The following NELL1 variants were observed in gnomAD, a reference collection of about 807,000 sequenced individuals.
The protein encoded by NELL1 is neural EGFL like 1.
In NELL1, 76 loss-of-function variants were observed where a neutral mutation model predicts 107.4. The ratio of observed to expected loss-of-function variants is 0.71; its 90% CI spans 0.59 to 0.86. The LOEUF (loss-of-function observed/expected upper bound fraction) is 0.86. NELL1 is among the 40% of genes least tolerant of loss of function. The pLI is 0.00. For synonymous variants in NELL1, 353 were observed against 341.2 expected, an observed-to-expected ratio of 1.03 and a Z score of -0.38; for missense variants, 1,024 against 1,005.5, an observed-to-expected ratio of 1.02 and a Z score of -0.25.
At chr11:20,880,749 T>A (rs1007044180) in intron 4 of NELL1, among the ~76,000 whole-genome samples, 3 of 152,244 alleles carry the variant, frequency 2.0e-5, no homozygotes, top group Non-Finnish European at 4.4e-5. Context: ...AGAGTCCAGT[T>A]GGGTGTGTCT....
intron 12 of NELL1, among the ~76,000 whole-genome samples, chr11:21,016,851 A>G (rs1363646233): frequency 2.0e-5 from 3 of 152,038 alleles, no homozygotes; most frequent in East Asian, 1.9e-4. Flanking sequence ...CTAACTTCCC[A>G]TATCAACATA....
intron 16 of NELL1, among the ~76,000 whole-genome samples, chr11:21,558,126 G>T (rs1277634316): frequency 6.6e-6 from 1 of 151,824 alleles, no homozygotes; most frequent in Non-Finnish European, 1.5e-5. Flanking sequence ...AGTACAGGAA[G>T]GAAAGTGCTT....
At chr11:21,346,407 T>C (rs931793865) in intron 14 of NELL1, among the ~76,000 whole-genome samples, 3 of 151,776 alleles carry the variant, frequency 2.0e-5, no homozygotes, top group African/African-American at 7.3e-5. Flanking sequence ...AACTGGGACA[T>C]GCAGCCAACT....
chr11:21,563,289 G>A (rs76596494), intron 17 of NELL1, among the ~76,000 whole-genome samples: 69 of 152,154 alleles, frequency 4.5e-4, no homozygotes, highest in African/African-American at 1.6e-3. Flanking sequence ...AGGTAGAGAC[G>A]TCCCCAGCTT....
intron 12 of NELL1, among the ~76,000 whole-genome samples, chr11:21,049,293 C>T (rs1483194146): frequency 6.6e-6 from 1 of 152,170 alleles, no homozygotes; most frequent in African/African-American, 2.4e-5. Context: ...ATAAATGTTT[C>T]AGGCCTTTAT....
chr11:20,984,875 A>T (rs1348352797), intron 12 of NELL1, among the ~76,000 whole-genome samples: 1 of 152,140 alleles, frequency 6.6e-6, no homozygotes, highest in Non-Finnish European at 1.5e-5. Flanking sequence ...AGAGTCCCCA[A>T]ATAGCATTTC....
chr11:21,457,557 A>G (rs1179870351), intron 15 of NELL1, among the ~76,000 whole-genome samples: 2 of 152,162 alleles, frequency 1.3e-5, no homozygotes, highest in African/African-American at 2.4e-5. Flanking sequence ...ACTAGAGTAG[A>G]AGGCTTGGTG....
intron 14 of NELL1, among the ~76,000 whole-genome samples, chr11:21,258,964 T>C (rs1313411854): frequency 1.3e-5 from 2 of 151,852 alleles, no homozygotes; most frequent in African/African-American, 4.8e-5. Flanking sequence ...AGGAACAGTA[T>C]AGTCACAGGG....
intron 15 of NELL1, among the ~76,000 whole-genome samples, chr11:21,508,319 A>G (rs967785355): frequency 1.3e-5 from 2 of 152,190 alleles, no homozygotes; most frequent in Admixed American, 6.5e-5. Context: ...TCAAAAAGAA[A>G]TAAAATATTG....
chr11:20,972,114 A>G (rs1419545604), intron 12 of NELL1, among the ~76,000 whole-genome samples: 2 of 152,132 alleles, frequency 1.3e-5, no homozygotes, highest in African/African-American at 2.4e-5. Context: ...GGGTTGATAA[A>G]TGCAGCAAAC....
chr11:20,865,468 G>A (rs1245323361), intron 4 of NELL1, among the ~76,000 whole-genome samples: 2 of 152,050 alleles, frequency 1.3e-5, no homozygotes, highest in African/African-American at 2.4e-5. Flanking sequence ...TTGGCTTCTC[G>A]GGAAACATTC....
intron 3 of NELL1, among the ~76,000 whole-genome samples, chr11:20,842,235 G>A (rs1351903925): frequency 3.9e-5 from 6 of 152,044 alleles, no homozygotes; most frequent in African/African-American, 4.8e-5. Flanking sequence ...AAATTAACCA[G>A]GCATGGTGGT....
intron 17 of NELL1, among the ~76,000 whole-genome samples, chr11:21,564,823 C>G (rs764647095): frequency 3.3e-5 from 5 of 151,820 alleles, no homozygotes; most frequent in Non-Finnish European, 7.4e-5. Flanking sequence ...TGAAGAAGAC[C>G]TTTTTCATGA....
intron 12 of NELL1, among the ~76,000 whole-genome samples, chr11:21,060,261 C>T (rs1007793196): frequency 9.9e-5 from 15 of 152,192 alleles, no homozygotes; most frequent in African/African-American, 3.6e-4. Flanking sequence ...AGTCACTTAA[C>T]CTCTATGAGT....
At chr11:21,050,777 G>A (rs1179521904) in intron 12 of NELL1, among the ~76,000 whole-genome samples, 1 of 152,044 alleles carries the variant, frequency 6.6e-6, no homozygotes, top group African/African-American at 2.4e-5. Flanking sequence ...TAGACTCTAG[G>A]ACCACAAAGA....
At chr11:20,826,936 C>T (rs968188057) in intron 3 of NELL1, among the ~76,000 whole-genome samples, 1 of 151,118 alleles carries the variant, frequency 6.6e-6, no homozygotes, top group African/African-American at 2.4e-5. Context: ...TAATTGTTTT[C>T]GATATGCGAT....
At chr11:20,752,549 C>CTAAA (rs1247560685) in intron 2 of NELL1, among the ~76,000 whole-genome samples, 6 of 152,112 alleles carry the variant, frequency 3.9e-5, no homozygotes, top group South Asian at 2.1e-4. Context: ...AACTCCATCT[C>CTAAA]TAAATAAATA....
At chr11:20,699,232 A>G (rs1854706211) in intron 2 of NELL1, among the ~76,000 whole-genome samples, 1 of 152,042 alleles carries the variant, frequency 6.6e-6, no homozygotes, top group African/African-American at 2.4e-5. Context: ...CAAACAAAAA[A>G]AACAAAACAA....
chr11:21,566,761 T>G (rs1856983363), intron 17 of NELL1, among the ~76,000 whole-genome samples: 1 of 151,894 alleles, frequency 6.6e-6, no homozygotes, highest in Admixed American at 6.6e-5. Flanking sequence ...TTGTGCTCTG[T>G]GAGCTGATGT....
Sources: gnomAD v4.1 joint callset for allele counts (sites outside exome capture counted in the v4.1 genomes callset) on GRCh38, gnomAD v4.1.1 for gene constraint, MANE v1.5 for transcripts, NCBI Gene and HGNC (gene_info 2026-07-23, HGNC 2026-07-21) for gene names.